Variants in RIN2 observed in about 807,000 individuals in gnomAD.
RIN2 encodes RAB5 interacting protein 2.
RIN2 carries 36 observed loss-of-function variants against 78.0 expected under a neutral mutation model. The ratio of observed to expected loss-of-function variants is 0.46; its 90% confidence interval spans 0.35 to 0.61. RIN2 has a LOEUF of 0.61. Among genes scored for constraint, RIN2 ranks in the 20% least tolerant of loss-of-function variants. The pLI is 0.00. For synonymous variants in RIN2, 466 were observed against 466.8 expected (o/e 1.00, Z 0.02); for missense variants, 1,087 against 1,159.7 (o/e 0.94, Z 0.91).
chr20:19,911,283 C>T (rs951105818), intron 3 of RIN2, among the ~76,000 whole-genome samples: 1 of 152,110 alleles, frequency 6.6e-6, no homozygotes, highest in Admixed American at 6.5e-5. Flanking sequence ...GAACTCCTGA[C>T]CTCAGATGAT....
intron 2 of RIN2, among the ~76,000 whole-genome samples, chr20:19,819,450 G>A (rs1034228087): frequency 8.5e-5 from 13 of 152,142 alleles, no homozygotes; most frequent in Non-Finnish European, 1.8e-4. Flanking sequence ...CTTTAACACA[G>A]GTATTCACAA....
chr20:19,903,890 G>A (rs2039097707), intron 3 of RIN2, among the ~76,000 whole-genome samples: 1 of 152,156 alleles, frequency 6.6e-6, no homozygotes, highest in Non-Finnish European at 1.5e-5. Context: ...CAGAGAGAGT[G>A]TCTTACTGAA....
At chr20:19,762,584 A>G (rs1054637941) in intron 1 of RIN2, among the ~76,000 whole-genome samples, 3 of 152,004 alleles carry the variant, frequency 2.0e-5, no homozygotes, top group African/African-American at 7.3e-5. Context: ...AGAAAAATGG[A>G]CCTATCAGAT....
chr20:19,982,177 G>T (rs2146349818), intron 9 of RIN2, among the ~76,000 whole-genome samples: 1 of 152,290 alleles, frequency 6.6e-6, no homozygotes, highest in East Asian at 1.9e-4. Flanking sequence ...CTTACGAGGT[G>T]TCAGATGCAT....
intron 2 of RIN2, among the ~76,000 whole-genome samples, chr20:19,817,923 G>A (rs13041912): frequency 0.1 from 15,828 of 152,154 alleles, 1,117 homozygotes; most frequent in African/African-American, 0.21. Flanking sequence ...TTAAAATAAC[G>A]GTGAAGTATA....
At chr20:19,887,180 CTA>C (rs200499624) in intron 2 of RIN2, among the ~76,000 whole-genome samples, 1,511 of 106,120 alleles carry the variant, frequency 0.014, 27 homozygotes, top group African/African-American at 0.058. Context: ...CCATGCCCAT[CTA>C]TTTTTTTTTT....
chr20:19,971,284 C>T (rs954880255), intron 8 of RIN2, among the ~76,000 whole-genome samples: 1 of 152,004 alleles, frequency 6.6e-6, no homozygotes, highest in African/African-American at 2.4e-5. Flanking sequence ...TCCACTTCCT[C>T]TCTTGTCGTT....
intron 2 of RIN2, among the ~76,000 whole-genome samples, chr20:19,864,631 G>A (rs915322578): frequency 6.6e-6 from 1 of 152,202 alleles, no homozygotes; most frequent in Admixed American, 6.5e-5. Flanking sequence ...TAAGGAGCGT[G>A]GGGTTAAAGA....
chr20:19,928,886 C>T (rs572562045), intron 3 of RIN2, among the ~76,000 whole-genome samples: 67 of 152,308 alleles, frequency 4.4e-4, no homozygotes, highest in African/African-American at 1.5e-3. Flanking sequence ...CTCTGTCCTG[C>T]TGTACATGCC....
At chr20:19,904,076 A>T (rs2039105233) in intron 3 of RIN2, among the ~76,000 whole-genome samples, 1 of 151,854 alleles carries the variant, frequency 6.6e-6, no homozygotes, top group South Asian at 2.1e-4. Context: ...TACTAAAAAC[A>T]CAAAAATTAG....
chr20:19,869,682 G>A, intron 2 of RIN2, among the ~76,000 whole-genome samples: 1 of 151,438 alleles, frequency 6.6e-6, no homozygotes, highest in Non-Finnish European at 1.5e-5. Flanking sequence ...CTGGAGTGCA[G>A]TGGTGCAATC....
intron 2 of RIN2, among the ~76,000 whole-genome samples, chr20:19,847,791 A>G (rs927451194): frequency 9.2e-5 from 14 of 152,326 alleles, no homozygotes; most frequent in Admixed American, 7.8e-4. Flanking sequence ...TCTGGTTACT[A>G]GAAAATTTAA....
intron 2 of RIN2, among the ~76,000 whole-genome samples, chr20:19,871,266 GAAC>G (rs2037681400): frequency 6.6e-6 from 1 of 152,154 alleles, no homozygotes; most frequent in Non-Finnish European, 1.5e-5. Context: ...TGCAAGAGCT[GAAC>G]AACAACAAAA....
At chr20:19,932,259 A>T (rs1273582010) in intron 3 of RIN2, among the ~76,000 whole-genome samples, 3 of 152,174 alleles carry the variant, frequency 2.0e-5, no homozygotes, top group Non-Finnish European at 2.9e-5. Context: ...GTCTCCACTC[A>T]CTTCTGCCTT....
chr20:19,831,900 AAC>A (rs2036261488), intron 2 of RIN2, among the ~76,000 whole-genome samples: 1 of 152,226 alleles, frequency 6.6e-6, no homozygotes, highest in Non-Finnish European at 1.5e-5. Flanking sequence ...TACAAAGCAA[AAC>A]ACAAACAAAA....
intron 1 of RIN2, among the ~76,000 whole-genome samples, chr20:19,768,778 A>G (rs1466492067): frequency 2.0e-5 from 3 of 152,124 alleles, no homozygotes; most frequent in African/African-American, 7.2e-5. Context: ...GCCCACCAGA[A>G]ACCGTCTCTC....
At chr20:19,844,677 T>TTCTTCC (rs2036712902) in intron 2 of RIN2, among the ~76,000 whole-genome samples, 1 of 69,386 alleles carries the variant, frequency 1.4e-5, no homozygotes, top group African/African-American at 6.0e-5. Context: ...TTCCTTCTTC[T>TTCTTCC]TCTTCTTCCT....
chr20:19,761,262 G>A (rs1325109954), intron 1 of RIN2, among the ~76,000 whole-genome samples: 1 of 152,038 alleles, frequency 6.6e-6, no homozygotes, highest in East Asian at 1.9e-4. Context: ...CTTGCTAAAG[G>A]CGAACCTGCC....
intron 1 of RIN2, among the ~76,000 whole-genome samples, chr20:19,774,631 A>G (rs2034249879): frequency 6.6e-6 from 1 of 152,222 alleles, no homozygotes; most frequent in African/African-American, 2.4e-5. Flanking sequence ...TCATCAAATC[A>G]CTATTGGGTA....
Sources: gnomAD v4.1 joint callset for allele counts (sites outside exome capture counted in the v4.1 genomes callset) on GRCh38, gnomAD v4.1.1 for gene constraint, MANE v1.5 for transcripts, NCBI Gene and HGNC (gene_info 2026-07-23, HGNC 2026-07-21) for gene names.